ZBTB7C: variants seen among roughly 807,000 people sequenced by gnomAD.
ZBTB7C encodes the protein zinc finger and BTB domain-containing protein 7C.
ZBTB7C carries 8 observed loss-of-function variants against 25.7 expected under a neutral mutation model. The observed-to-expected ratio is 0.31, with a 90% confidence interval of 0.18 to 0.56. The LOEUF is 0.56. ZBTB7C is among the 20% of genes least tolerant of loss of function. The pLI is 0.91. For missense variants in ZBTB7C, 824 were observed against 855.2 expected (o/e 0.96, Z 0.46); for synonymous variants, 394 against 369.0 (o/e 1.07, Z -0.78).
intron 2 of ZBTB7C, among the ~76,000 whole-genome samples, chr18:48,193,335 C>G (rs1308572684): frequency 1.3e-5 from 2 of 151,158 alleles, no homozygotes; most frequent in African/African-American, 4.8e-5. Flanking sequence ...GACTTAGCCC[C>G]CTCCTCGCAG....
intron 1 of ZBTB7C, among the ~76,000 whole-genome samples, chr18:48,401,678 A>C (rs55854145): frequency 0.12 from 18,229 of 152,106 alleles, 2,087 homozygotes; most frequent in African/African-American, 0.3. Context: ...TGAGGAGGTT[A>C]CAGTTTGAAG....
At chr18:48,188,333 A>G (rs2042113946) in intron 2 of ZBTB7C, among the ~76,000 whole-genome samples, 1 of 152,208 alleles carries the variant, frequency 6.6e-6, no homozygotes. Flanking sequence ...TGGAGGGGGA[A>G]GCAACACATC....
At chr18:48,320,638 G>A (rs1411002347) in intron 2 of ZBTB7C, among the ~76,000 whole-genome samples, 1 of 152,206 alleles carries the variant, frequency 6.6e-6, no homozygotes, top group Non-Finnish European at 1.5e-5. Flanking sequence ...GGCCAGACAT[G>A]CAATATAAAA....
intron 3 of ZBTB7C, among the ~76,000 whole-genome samples, chr18:48,176,391 C>T (rs1441197793): frequency 1.3e-5 from 2 of 152,138 alleles, no homozygotes; most frequent in African/African-American, 4.8e-5. Context: ...AATGCAATAT[C>T]CAACCCTAGA....
rs114946034 is a variant in ZBTB7C, at chr18:48,262,942, A to G, written c.-79+75232T>C. Reference sequence around the variant, plus strand: ...CTGCAGAGCTGTCCACCTTGTTTCCACTCTGTCTTCTCATGCTCCTACCAC... The same window carrying G: ...CTGCAGAGCTGTCCACCTTGTTTCCGCTCTGTCTTCTCATGCTCCTACCAC... On this transcript the variant is annotated intron_variant, in intron 2 of 4. Transcript: ENST00000590800. Among the ~76,000 whole-genome samples, 1,211 of 151,752 alleles carry G rather than the reference A, an allele frequency of 8.0e-3. 12 individuals carry two copies. Among genetic ancestry groups the G allele is most frequent in the African/African-American group, 0.028 (1,141 of 41,376 alleles).
chr18:48,250,675 C>T (rs982346244), intron 2 of ZBTB7C, among the ~76,000 whole-genome samples: 43 of 152,184 alleles, frequency 2.8e-4, no homozygotes, highest in African/African-American at 1.0e-3. Context: ...AATGCTTAAG[C>T]AATTTTCTGA....
intron 1 of ZBTB7C, among the ~76,000 whole-genome samples, chr18:48,385,817 G>A (rs537764145): frequency 1.4e-4 from 21 of 152,250 alleles, no homozygotes; most frequent in Admixed American, 7.2e-4. Flanking sequence ...CAGCCCACAC[G>A]ACGTGCTGCT....
At position 48,276,450 on chromosome 18, in the gene ZBTB7C, C is replaced by G. The variant is rs1254342326; in HGVS notation, c.-79+61724G>C. 5.8e-5 allele frequency among the ~76,000 whole-genome samples: 6 copies of G among 104,012 alleles called. 1 individual carries two copies. The highest frequency in any genetic ancestry group is 2.2e-4 in the African/African-American group (6 of 27,512). The allele number at this position is 104,012 out of a possible 152,430, so 68.2% of individuals were successfully genotyped here. A position where few individuals can be genotyped will look rare whatever the true frequency, so the allele number is the denominator to read the frequency against. On this transcript the variant is annotated intron_variant, in intron 2 of 4. Transcript: ENST00000590800. Reference sequence around the variant, plus strand: ...TATCTCCCAATGCTATCCCTCCCCCCTCCCCCCACCCCACAACAGGCCCCA... The same window carrying G: ...TATCTCCCAATGCTATCCCTCCCCCGTCCCCCCACCCCACAACAGGCCCCA...
chr18:48,042,277 A>AAAAC (rs149519764), intron 3 of ZBTB7C, among the ~76,000 whole-genome samples: 11,686 of 152,190 alleles, frequency 0.077, 566 homozygotes, highest in Admixed American at 0.13. Context: ...AGCCTAAAAC[A>AAAAC]AAACAAACAA....
chr18:48,307,836 A>G (rs1313908436), intron 2 of ZBTB7C, among the ~76,000 whole-genome samples: 1 of 152,094 alleles, frequency 6.6e-6, no homozygotes, highest in Non-Finnish European at 1.5e-5. Context: ...AACAGAGCGA[A>G]ACTCCACCTC....
At chr18:48,253,410 T>C (rs2043926864) in intron 2 of ZBTB7C, among the ~76,000 whole-genome samples, 1 of 151,822 alleles carries the variant, frequency 6.6e-6, no homozygotes, top group East Asian at 1.9e-4. Context: ...GAAACAACAG[T>C]TTTCAAGACA....
intron 2 of ZBTB7C, among the ~76,000 whole-genome samples, chr18:48,219,350 A>T (rs1332573496): frequency 6.6e-6 from 1 of 152,180 alleles, no homozygotes. Context: ...AACAATAATG[A>T]TGACAACACT....
intron 1 of ZBTB7C, among the ~76,000 whole-genome samples, chr18:48,378,354 A>G (rs540799539): frequency 3.4e-4 from 52 of 152,302 alleles, no homozygotes; most frequent in African/African-American, 1.2e-3. Context: ...TTACATTCCC[A>G]TTACTGAGGC....
chr18:48,244,985 A>G (rs535145339), intron 2 of ZBTB7C, among the ~76,000 whole-genome samples: 7 of 151,806 alleles, frequency 4.6e-5, no homozygotes, highest in Non-Finnish European at 1.0e-4. Context: ...TGAAAAAGAC[A>G]CTTCTACATG....
chr18:48,107,389 G>T (rs2039071368), intron 3 of ZBTB7C, among the ~76,000 whole-genome samples: 1 of 151,498 alleles, frequency 6.6e-6, no homozygotes, highest in South Asian at 2.1e-4. Context: ...AGAGGTGGGA[G>T]AAGGGCCCAG....
intron 2 of ZBTB7C, among the ~76,000 whole-genome samples, chr18:48,216,004 G>T (rs2042814386): frequency 6.6e-6 from 1 of 152,168 alleles, no homozygotes; most frequent in East Asian, 1.9e-4. Context: ...TATTGTCAAT[G>T]CTGGTCAGTC....
At chr18:48,408,338 G>C (rs765389059) in intron 1 of ZBTB7C, 1 of 152,320 alleles carries the variant, frequency 6.6e-6, no homozygotes, top group Non-Finnish European at 1.5e-5. Context: ...CGCTTTCAAC[G>C]GAGCAAGAGA....
intron 2 of ZBTB7C, among the ~76,000 whole-genome samples, chr18:48,282,386 A>C (rs1444179284): frequency 2.0e-5 from 3 of 151,402 alleles, no homozygotes; most frequent in African/African-American, 7.3e-5. Context: ...GGGTGCAGCA[A>C]ACCAACATGG....
At chr18:48,318,078 T>A (rs1052737279) in intron 2 of ZBTB7C, among the ~76,000 whole-genome samples, 2 of 152,024 alleles carry the variant, frequency 1.3e-5, no homozygotes, top group African/African-American at 4.8e-5. Context: ...CTCCAAGGCT[T>A]CCAGGCCCTC....
Sources: allele counts gnomAD v4.1 joint callset (sites outside exome capture counted in the v4.1 genomes callset), GRCh38; gene constraint gnomAD v4.1.1; transcripts MANE v1.5; gene names NCBI Gene and HGNC (gene_info 2026-07-23, HGNC 2026-07-21).